PPM1E: variants seen among roughly 807,000 people sequenced by gnomAD.
PPM1E encodes the protein protein phosphatase 1E.
In PPM1E, 20 loss-of-function variants were observed where a neutral mutation model predicts 65.9. The observed-to-expected ratio is 0.30, with a 90% CI of 0.21 to 0.44. The LOEUF (loss-of-function observed/expected upper bound fraction) is 0.44. Among genes scored for constraint, PPM1E ranks in the 20% least tolerant of loss-of-function variants. PPM1E has a pLI of 1.00. For synonymous variants in PPM1E, 352 were observed against 374.9 expected (o/e 0.94, Z 0.70); for missense variants, 713 against 953.1 (o/e 0.75, Z 3.32).
At chr17:58,765,748 G>A (rs1259877160) in intron 1 of PPM1E, among the ~76,000 whole-genome samples, 1 of 151,910 alleles carries the variant, frequency 6.6e-6, no homozygotes, top group Non-Finnish European at 1.5e-5. Flanking sequence ...TTTTCCTGGT[G>A]ACTTGATTCC....
intron 1 of PPM1E, among the ~76,000 whole-genome samples, chr17:58,852,658 C>T (rs1027454811): frequency 1.3e-5 from 2 of 148,614 alleles, no homozygotes; most frequent in African/African-American, 5.0e-5. Context: ...GGCTGGAGTG[C>T]AGTGGCGTGA....
At chr17:58,900,296 A>G (rs1369698191) in intron 1 of PPM1E, among the ~76,000 whole-genome samples, 1 of 152,224 alleles carries the variant, frequency 6.6e-6, no homozygotes. Context: ...AGGAAGAGTC[A>G]ATAGATGTGG....
chr17:58,813,313 A>C (rs2050387738), intron 1 of PPM1E, among the ~76,000 whole-genome samples: 1 of 152,138 alleles, frequency 6.6e-6, no homozygotes, highest in African/African-American at 2.4e-5. Context: ...TGAAAACCTC[A>C]TACCTTGGAA....
At chr17:58,859,370 A>C in intron 1 of PPM1E, among the ~76,000 whole-genome samples, 1 of 152,218 alleles carries the variant, frequency 6.6e-6, no homozygotes, top group East Asian at 1.9e-4. Flanking sequence ...AAATAATTTA[A>C]AGTTACAACA....
chr17:58,947,140 G>A (rs71372858), intron 1 of PPM1E, among the ~76,000 whole-genome samples: 1 of 56,928 alleles, frequency 1.8e-5, no homozygotes, highest in Non-Finnish European at 3.2e-5. Flanking sequence ...TTTTTTTTTA[G>A]ACAGTCTTGC....
At chr17:58,913,543 G>C (rs747162306) in intron 1 of PPM1E, among the ~76,000 whole-genome samples, 21 of 152,176 alleles carry the variant, frequency 1.4e-4, no homozygotes, top group Non-Finnish European at 2.6e-4. Flanking sequence ...AATAAACGTA[G>C]AGCCAGCTGA....
intron 1 of PPM1E, among the ~76,000 whole-genome samples, chr17:58,931,727 T>TAAA (rs2051902368): frequency 6.6e-6 from 1 of 152,192 alleles, no homozygotes; most frequent in Non-Finnish European, 1.5e-5. Flanking sequence ...AAATAATGTG[T>TAAA]GATCCAAGGT....
At chr17:58,788,254 T>TTG (rs1463637615) in intron 1 of PPM1E, among the ~76,000 whole-genome samples, 1 of 152,124 alleles carries the variant, frequency 6.6e-6, no homozygotes, top group Non-Finnish European at 1.5e-5. Flanking sequence ...TTTCACCGTG[T>TTG]TGGCAAGGCT....
chr17:58,900,769 A>G (rs769704649), intron 1 of PPM1E, among the ~76,000 whole-genome samples: 1 of 152,030 alleles, frequency 6.6e-6, no homozygotes, highest in Non-Finnish European at 1.5e-5. Flanking sequence ...CAACGTTGCA[A>G]TGAGTACTCT....
At chr17:58,843,115 C>G (rs2050736194) in intron 1 of PPM1E, among the ~76,000 whole-genome samples, 1 of 151,722 alleles carries the variant, frequency 6.6e-6, no homozygotes. Flanking sequence ...GAAACCTTGT[C>G]TCTACTAAAA....
intron 1 of PPM1E, among the ~76,000 whole-genome samples, chr17:58,811,462 T>G (rs1478838408): frequency 2.0e-5 from 3 of 152,198 alleles, no homozygotes; most frequent in African/African-American, 7.2e-5. Context: ...GCAACCAAAT[T>G]GCATTACATC....
intron 1 of PPM1E, among the ~76,000 whole-genome samples, chr17:58,849,124 C>G (rs1362742831): frequency 2.0e-5 from 3 of 152,148 alleles, no homozygotes; most frequent in East Asian, 3.9e-4. Flanking sequence ...GTGATATCCC[C>G]TTTATTATTT....
intron 1 of PPM1E, among the ~76,000 whole-genome samples, chr17:58,798,503 G>A (rs547448644): frequency 3.1e-4 from 47 of 149,276 alleles, no homozygotes; most frequent in African/African-American, 1.0e-3. Context: ...GATTACAGGC[G>A]TGATCCACCG....
At chr17:58,827,571 G>T (rs1305498347) in intron 1 of PPM1E, among the ~76,000 whole-genome samples, 1 of 152,056 alleles carries the variant, frequency 6.6e-6, no homozygotes, top group Non-Finnish European at 1.5e-5. Flanking sequence ...GTTACAGTGG[G>T]TCTAGGAGTG....
intron 1 of PPM1E, among the ~76,000 whole-genome samples, chr17:58,829,234 G>A (rs1057508598): frequency 9.2e-5 from 14 of 152,042 alleles, no homozygotes; most frequent in African/African-American, 3.4e-4. Flanking sequence ...TAGAGACGGG[G>A]TTTCTCCATG....
chr17:58,853,753 C>T (rs1162702200), intron 1 of PPM1E, among the ~76,000 whole-genome samples: 1 of 152,102 alleles, frequency 6.6e-6, no homozygotes, highest in East Asian at 1.9e-4. Context: ...ATCGCTTGAA[C>T]CCGGGAGACA....
chr17:58,876,463 G>C (rs988776149), intron 1 of PPM1E, among the ~76,000 whole-genome samples: 5 of 152,086 alleles, frequency 3.3e-5, no homozygotes, highest in Non-Finnish European at 5.9e-5. Flanking sequence ...CAATCTGAGA[G>C]TGATAATTTG....
chr17:58,936,373 G>A (rs2051980333), intron 1 of PPM1E, among the ~76,000 whole-genome samples: 1 of 152,096 alleles, frequency 6.6e-6, no homozygotes, highest in Non-Finnish European at 1.5e-5. Flanking sequence ...CCTAGCAAGG[G>A]CATACTGAGT....
chr17:58,816,385 A>G (rs2050415088), intron 1 of PPM1E, among the ~76,000 whole-genome samples: 1 of 152,016 alleles, frequency 6.6e-6, no homozygotes, highest in South Asian at 2.1e-4. Context: ...GAAAACATAA[A>G]ATATATATAA....
Sources: gnomAD v4.1 joint callset for allele counts (sites outside exome capture counted in the v4.1 genomes callset) on GRCh38, gnomAD v4.1.1 for gene constraint, MANE v1.5 for transcripts, NCBI Gene and HGNC (gene_info 2026-07-23, HGNC 2026-07-21) for gene names.